The following FAM24B variants were observed in gnomAD, a reference collection of about 807,000 sequenced individuals.
The protein encoded by FAM24B is family with sequence similarity 24 member B.
A neutral mutation model predicts 2.3 loss-of-function variants in FAM24B; 3 were observed. That is an observed-to-expected ratio of 1.29 (90% CI 0.59 to 3.32). The LOEUF is 3.32. Ranked by LOEUF, FAM24B falls within the 30% of genes most tolerant of loss-of-function variation. FAM24B has a pLI of 0.03. For missense variants in FAM24B, 98 were observed against 117.2 expected, an observed-to-expected ratio of 0.84 and a Z score of 0.76; for synonymous variants, 36 against 46.3, an observed-to-expected ratio of 0.78 and a Z score of 0.90.
At chr10:122,857,804 T>C (rs1847663173) in intron 1 of FAM24B, among the ~76,000 whole-genome samples, 1 of 152,212 alleles carries the variant, frequency 6.6e-6, no homozygotes, top group Admixed American at 6.5e-5. Context: ...CTCACATTTC[T>C]AGGCCTTAAA....
At chr10:122,854,943 G>A (rs1394389442) in intron 2 of FAM24B, among the ~76,000 whole-genome samples, 1 of 152,184 alleles carries the variant, frequency 6.6e-6, no homozygotes, top group East Asian at 1.9e-4. Flanking sequence ...AAGCATCCTG[G>A]ATCCAAAACT....
intron 1 of FAM24B, among the ~76,000 whole-genome samples, chr10:122,878,692 G>C (rs1016305928): frequency 6.6e-6 from 1 of 151,860 alleles, no homozygotes; most frequent in Non-Finnish European, 1.5e-5. Context: ...TCCGATGAAA[G>C]CTAGTATTTC....
chr10:122,856,329 A>C (rs1008367661), intron 1 of FAM24B, among the ~76,000 whole-genome samples: 1 of 152,164 alleles, frequency 6.6e-6, no homozygotes, highest in South Asian at 2.1e-4. Flanking sequence ...GTGAAAAGCC[A>C]AATATCATCT....
At chr10:122,872,077 CA>C (rs1201789360) in intron 1 of FAM24B, among the ~76,000 whole-genome samples, 1 of 151,744 alleles carries the variant, frequency 6.6e-6, no homozygotes, top group African/African-American at 2.4e-5. Context: ...GCAATGAACT[CA>C]AAACAAATTT....
At chr10:122,869,049 C>G (rs1286186641) in intron 1 of FAM24B, among the ~76,000 whole-genome samples, 1 of 151,994 alleles carries the variant, frequency 6.6e-6, no homozygotes, top group East Asian at 1.9e-4. Context: ...ATCTCACGTG[C>G]AGAGACACAC....
chr10:122,852,934 C>T (rs776341820), intron 2 of FAM24B, among the ~76,000 whole-genome samples: 1 of 152,106 alleles, frequency 6.6e-6, no homozygotes, highest in Non-Finnish European at 1.5e-5. Flanking sequence ...GCCAGAAAAA[C>T]CAGTTTCTTG....
intron 2 of FAM24B, chr10:122,855,319 G>A (rs1192254950): frequency 1.3e-5 from 2 of 152,114 alleles, no homozygotes; most frequent in African/African-American, 4.8e-5. Context: ...TTCCCATCCA[G>A]TCTTTCCCTC....
intron 1 of FAM24B, among the ~76,000 whole-genome samples, chr10:122,861,319 C>T (rs1192560380): frequency 6.6e-6 from 1 of 152,132 alleles, no homozygotes; most frequent in Non-Finnish European, 1.5e-5. Flanking sequence ...TATTTCTGGG[C>T]TCTCCATTCT....
chr10:122,850,049 A>G (rs915519494), intron 3 of FAM24B, among the ~76,000 whole-genome samples: 8 of 152,140 alleles, frequency 5.3e-5, no homozygotes, highest in Non-Finnish European at 7.4e-5. Flanking sequence ...GAGCTCGTTC[A>G]TGCAGCCTCC....
At chr10:122,865,615 G>C (rs1847791718) in intron 1 of FAM24B, among the ~76,000 whole-genome samples, 1 of 152,098 alleles carries the variant, frequency 6.6e-6, no homozygotes, top group African/African-American at 2.4e-5. Context: ...TGGTGTTAGG[G>C]TAATGCTGGC....
chr10:122,877,485 AC>A (rs1441211399), intron 1 of FAM24B, among the ~76,000 whole-genome samples: 1 of 152,132 alleles, frequency 6.6e-6, no homozygotes, highest in Non-Finnish European at 1.5e-5. Flanking sequence ...ATGCAAAAAA[AC>A]CCTGAAAAGA....
intron 2 of FAM24B, among the ~76,000 whole-genome samples, chr10:122,854,790 A>G (rs1847608706): frequency 6.6e-6 from 1 of 152,220 alleles, no homozygotes. Context: ...CTCTATGGAA[A>G]TTCTCTGTAA....
chr10:122,868,746 C>G (rs2133837636), intron 1 of FAM24B, among the ~76,000 whole-genome samples: 1 of 152,210 alleles, frequency 6.6e-6, no homozygotes. Flanking sequence ...GAGATTTTGT[C>G]ACCACCAGGC....
At chr10:122,857,497 T>C (rs955808735) in intron 1 of FAM24B, among the ~76,000 whole-genome samples, 2 of 152,244 alleles carry the variant, frequency 1.3e-5, no homozygotes, top group African/African-American at 4.8e-5. Context: ...CAATAAATAT[T>C]GAATTGCTGT....
chr10:122,852,267 A>T (rs188801632), intron 2 of FAM24B, among the ~76,000 whole-genome samples: 2 of 152,366 alleles, frequency 1.3e-5, no homozygotes, highest in Admixed American at 1.3e-4. Context: ...AGGTGAATAC[A>T]GAGAATCCCA....
intron 1 of FAM24B, among the ~76,000 whole-genome samples, chr10:122,873,519 T>G (rs1847931617): frequency 6.6e-6 from 1 of 152,230 alleles, no homozygotes; most frequent in Non-Finnish European, 1.5e-5. Context: ...TACAAGGAGA[T>G]TAATGTTTTC....
intron 1 of FAM24B, among the ~76,000 whole-genome samples, chr10:122,856,636 C>T (rs1234276864): frequency 6.6e-6 from 1 of 152,178 alleles, no homozygotes; most frequent in Non-Finnish European, 1.5e-5. Context: ...GCCTCAGTCT[C>T]AGTCTAGCCA....
rs1847511239 is a variant in FAM24B at position 122,850,460 on chromosome 10, A to G, written c.56T>C (p.Val19Ala). 4.3e-6 allele frequency: 7 copies of G among 1,614,052 alleles called. No individual in the cohort carries two copies. The South Asian group carries it at 4.4e-5, about 10-fold the overall frequency. Reference protein sequence around the residue: ...LAALLLLIVVVLCLYFKIHNA... With the variant: ...LAALLLLIVVALCLYFKIHNA... ...GTGTATTTTGAAGTAAAGACAGAGC[A>G]CGACAACTATCAGCAGGAGCAAGGC... Residue 19 changes from valine to alanine, a missense_variant, in exon 3 of 4, where the codon GTG becomes GCG. Val to Ala is a moderately conservative substitution (Grantham distance 64). Transcript: ENST00000368898.
At chr10:122,858,344 A>T (rs1207455304) in intron 1 of FAM24B, among the ~76,000 whole-genome samples, 1 of 148,480 alleles carries the variant, frequency 6.7e-6, no homozygotes, top group African/African-American at 2.5e-5. Flanking sequence ...ATAGGCGGGA[A>T]CTGAACGATG....
Sources: gnomAD v4.1 joint callset for allele counts (sites outside exome capture counted in the v4.1 genomes callset) on GRCh38, gnomAD v4.1.1 for gene constraint, MANE v1.5 for transcripts, NCBI Gene and HGNC (gene_info 2026-07-23, HGNC 2026-07-21) for gene names.